Variants in MAGI2 observed in about 807,000 individuals in gnomAD.
MAGI2 encodes the protein membrane associated guanylate kinase, WW and PDZ domain containing 2.
MAGI2 carries 35 observed loss-of-function variants against 133.3 expected under a neutral mutation model. That is an observed-to-expected ratio of 0.26 (90% CI 0.20 to 0.35). MAGI2 has a LOEUF of 0.35. MAGI2 is among the 10% of genes least tolerant of loss of function. The probability of loss-of-function intolerance (pLI) is 1.00; values close to 1 mark genes in which losing one functional copy is unlikely to be tolerated. For synonymous variants in MAGI2, 729 were observed against 710.6 expected (o/e 1.03, Z -0.41); for missense variants, 1,636 against 1,863.4 (o/e 0.88, Z 2.25).
At chr7:78,298,990 A>AT (rs759128705) in intron 9 of MAGI2, among the ~76,000 whole-genome samples, 2 of 150,922 alleles carry the variant, frequency 1.3e-5, no homozygotes, top group Admixed American at 6.6e-5. Context: ...TAATTTTTGT[A>AT]TTTTTTAGTA....
intron 1 of MAGI2, among the ~76,000 whole-genome samples, chr7:79,206,718 TG>T (rs2129552329): frequency 6.6e-6 from 1 of 151,958 alleles, no homozygotes; most frequent in South Asian, 2.1e-4. Flanking sequence ...TTATTTTATG[TG>T]GCCAGTACCA....
At chr7:79,044,352 T>C (rs1385041183) in intron 1 of MAGI2, among the ~76,000 whole-genome samples, 3 of 152,184 alleles carry the variant, frequency 2.0e-5, no homozygotes, top group Admixed American at 6.5e-5. Flanking sequence ...TCTCAATAGA[T>C]CCAGAAATGG....
intron 2 of MAGI2, among the ~76,000 whole-genome samples, chr7:78,665,063 T>G (rs1563320422): frequency 6.6e-6 from 1 of 152,096 alleles, no homozygotes. Context: ...ATCATTTGGT[T>G]CCTGGTATAC....
chr7:78,158,131 C>A (rs1173977272), intron 16 of MAGI2: 2 of 152,130 alleles, frequency 1.3e-5, no homozygotes, highest in Non-Finnish European at 1.5e-5. Context: ...TTAATACTCA[C>A]CCCTCCCCTA....
chr7:78,270,906 C>G (rs1347213414), intron 9 of MAGI2, among the ~76,000 whole-genome samples: 8 of 152,160 alleles, frequency 5.3e-5, no homozygotes, highest in Non-Finnish European at 1.0e-4. Flanking sequence ...CACATAATTG[C>G]AAACAGTGAT....
At chr7:78,972,961 ACACAC>A (rs1353562010) in intron 2 of MAGI2, among the ~76,000 whole-genome samples, 1 of 151,770 alleles carries the variant, frequency 6.6e-6, no homozygotes, top group Non-Finnish European at 1.5e-5. Context: ...ACACACACAC[ACACAC>A]ACACAGAGTT....
At chr7:78,526,409 A>G (rs1241017674) in intron 3 of MAGI2, among the ~76,000 whole-genome samples, 1 of 152,194 alleles carries the variant, frequency 6.6e-6, no homozygotes, top group South Asian at 2.1e-4. Flanking sequence ...CTTTTCACGG[A>G]ATATGTTTGT....
In MAGI2 at chr7:78,560,545, AT is replaced by A. The variant is rs200045014; in HGVS notation, c.539-38901del. Reference sequence around the variant, plus strand: ...TAAACGTTAATCTAAATACTTTAAAATTTTTTTAAAATTATGTTTAAAAACA... The same window carrying A: ...TAAACGTTAATCTAAATACTTTAAAATTTTTTAAAATTATGTTTAAAAACA... On this transcript the variant is annotated intron_variant, in intron 3 of 21. Transcript: ENST00000354212. 8.5e-5 allele frequency among the ~76,000 whole-genome samples: 13 copies of A among 152,286 alleles called. No individual in the cohort carries two copies. In the South Asian group the frequency reaches 2.7e-3, roughly 32 times the overall value.
chr7:78,267,782 G>C (rs1794162690), intron 9 of MAGI2, among the ~76,000 whole-genome samples: 1 of 152,158 alleles, frequency 6.6e-6, no homozygotes, highest in Non-Finnish European at 1.5e-5. Flanking sequence ...AGATTCTTAA[G>C]GGGATGAATA....
intron 1 of MAGI2, among the ~76,000 whole-genome samples, chr7:79,101,020 T>C (rs911814474): frequency 2.0e-5 from 3 of 152,082 alleles, no homozygotes; most frequent in African/African-American, 7.2e-5. Flanking sequence ...ACCACAGTTT[T>C]AATGGGGGTT....
chr7:78,064,328 T>TTG (rs3840609), intron 21 of MAGI2, among the ~76,000 whole-genome samples: 4,702 of 148,562 alleles, frequency 0.032, 137 homozygotes, highest in East Asian at 0.17. Context: ...TGTGATGGTT[T>TTG]TGTGTGTGTG....
intron 2 of MAGI2, among the ~76,000 whole-genome samples, chr7:78,872,210 A>C (rs1381578451): frequency 2.0e-5 from 3 of 151,940 alleles, no homozygotes; most frequent in Non-Finnish European, 4.4e-5. Context: ...ATTGAAAAAA[A>C]AAAAGAAAGA....
intron 3 of MAGI2, chr7:78,614,716 T>C (rs887858193): frequency 6.6e-6 from 1 of 152,172 alleles, no homozygotes; most frequent in Non-Finnish European, 1.5e-5. Context: ...TTTGAATATA[T>C]ATAATAAATT....
intron 2 of MAGI2, among the ~76,000 whole-genome samples, chr7:78,953,647 A>C (rs1028520046): frequency 2.6e-5 from 4 of 152,296 alleles, no homozygotes; most frequent in African/African-American, 9.6e-5. Flanking sequence ...GTAACAACAA[A>C]GATTTTCTCC....
At chr7:79,073,829 G>C (rs1399951232) in intron 1 of MAGI2, among the ~76,000 whole-genome samples, 1 of 149,302 alleles carries the variant, frequency 6.7e-6, no homozygotes, top group African/African-American at 2.5e-5. Context: ...ATTTCGTAGA[G>C]TCCTCTCAGC....
chr7:78,804,524 G>A (rs1788349267), intron 2 of MAGI2, among the ~76,000 whole-genome samples: 1 of 151,444 alleles, frequency 6.6e-6, no homozygotes, highest in Admixed American at 6.6e-5. Flanking sequence ...CGAGGCAGGC[G>A]GATCATGACG....
chr7:79,112,964 C>T (rs188931171), intron 1 of MAGI2, among the ~76,000 whole-genome samples: 139 of 152,190 alleles, frequency 9.1e-4, no homozygotes, highest in African/African-American at 3.3e-3. Flanking sequence ...GAACTTTAAA[C>T]ATTGGGAACA....
intron 21 of MAGI2, chr7:78,072,856 TC>T (rs1201966641): frequency 2.3e-5 from 9 of 398,392 alleles, no homozygotes; most frequent in African/African-American, 1.9e-4. Flanking sequence ...AGACAAGGTC[TC>T]CCTATGTTGC....
intron 12 of MAGI2, among the ~76,000 whole-genome samples, chr7:78,193,382 T>TA (rs1828419427): frequency 1.3e-5 from 2 of 152,206 alleles, no homozygotes; most frequent in African/African-American, 4.8e-5. Context: ...AACTGTTAAC[T>TA]TTATCTTACT....
Sources: gnomAD v4.1 joint callset for allele counts (sites outside exome capture counted in the v4.1 genomes callset) on GRCh38, gnomAD v4.1.1 for gene constraint, MANE v1.5 for transcripts, NCBI Gene and HGNC (gene_info 2026-07-23, HGNC 2026-07-21) for gene names.